TOX: variants seen among roughly 807,000 people sequenced by gnomAD.
TOX encodes the protein thymocyte selection associated high mobility group box.
Under a neutral mutation model 53.7 loss-of-function variants are expected in TOX, and 11 were observed. That is an observed-to-expected ratio of 0.20 (90% CI 0.13 to 0.34). The LOEUF is 0.34. Ranked by LOEUF, TOX falls within the 10% of genes least tolerant of loss-of-function variation. The probability of loss-of-function intolerance (pLI) is 1.00; values close to 1 mark genes in which losing one functional copy is unlikely to be tolerated. For missense variants in TOX, 570 were observed against 664.6 expected (o/e 0.86, Z 1.56); for synonymous variants, 225 against 245.3 (o/e 0.92, Z 0.77).
chr8:58,936,551 G>C (rs1368874743), intron 3 of TOX, among the ~76,000 whole-genome samples: 1 of 152,186 alleles, frequency 6.6e-6, no homozygotes, highest in East Asian at 1.9e-4. Flanking sequence ...ACTGAGGAAT[G>C]GCATTCTAGT....
intron 6 of TOX, among the ~76,000 whole-genome samples, chr8:58,822,957 G>C (rs1208780422): frequency 6.6e-6 from 1 of 152,126 alleles, no homozygotes; most frequent in East Asian, 1.9e-4. Context: ...TGCTGTGATG[G>C]GAAATAGGAA....
At chr8:58,942,781 A>G (rs1395039977) in intron 2 of TOX, among the ~76,000 whole-genome samples, 1 of 152,224 alleles carries the variant, frequency 6.6e-6, no homozygotes, top group Non-Finnish European at 1.5e-5. Context: ...ATATGATTCA[A>G]TATTTTCCCT....
rs1023235617 is a variant in TOX at position 58,838,293 on chromosome 8, G to T, written c.712C>A (p.Arg238=). The T allele has an allele frequency of 6.2e-7, 1 of 1,613,298 alleles. No homozygotes were observed. The highest frequency in any genetic ancestry group is 1.7e-5 in the Admixed American group (1 of 59,962). The part of the protein sequence containing the change: ...DTSKINGGEK[R]PASDMGKKPK... Reference sequence around the variant, plus strand: ...TTTTTCCCCATATCAGAGGCAGGCCGCTTCTCTCCACCATTGATCTGAAAG... The same window carrying T: ...TTTTTCCCCATATCAGAGGCAGGCCTCTTCTCTCCACCATTGATCTGAAAG... The change falls in exon 5 of 9, where the codon CGG becomes AGG. Residue 238 remains arginine, a synonymous_variant. Transcript: ENST00000361421.
chr8:59,041,073 C>CGTGT (rs61657323), intron 1 of TOX, among the ~76,000 whole-genome samples: 42,359 of 143,708 alleles, frequency 0.29, 7,699 homozygotes, highest in Non-Finnish European at 0.43. Flanking sequence ...AAAGGGACTC[C>CGTGT]GTGTGTGTGT....
rs68047111 is a variant in TOX, at chr8:58,851,185, TCACACA to T, written c.693+333_693+338del. Among the ~76,000 whole-genome samples the T allele has an allele frequency of 3.2e-4, 45 of 140,828 alleles. No individual in the cohort carries two copies. The highest frequency in any genetic ancestry group is 3.5e-3 in the Middle Eastern group (1 of 288). The allele number at this position is 140,828 out of a possible 152,430, so 92.4% of individuals were successfully genotyped here. On this transcript the variant is annotated intron_variant, in intron 4 of 8. Transcript: ENST00000361421. This position sits in a 1 kb window ranked among gnomAD's most constrained non-coding sequence, Gnocchi z 4.4. ...CTCTCTCTCTCTCTCTCTCTCTCTC[TCACACA>T]CACACACACACACACACACACGACC...
At chr8:58,892,530 TAAAG>T (rs1454519793) in intron 3 of TOX, among the ~76,000 whole-genome samples, 1 of 152,158 alleles carries the variant, frequency 6.6e-6, no homozygotes, top group African/African-American at 2.4e-5. Context: ...CCAAAACAGA[TAAAG>T]GAAGAATGCA....
rs150188950 is a variant in TOX, at chr8:58,846,519, C to T, written c.693+5005G>A. Among the ~76,000 whole-genome samples the T allele has an allele frequency of 2.2e-3, 342 of 152,176 alleles. 2 individuals carry two copies. Among genetic ancestry groups the T allele is most frequent in the African/African-American group, 7.9e-3 (327 of 41,548 alleles). On this transcript the variant is annotated intron_variant, in intron 4 of 8. Coordinates refer to ENST00000361421, the MANE Select transcript of TOX (RefSeq NM_014729.3). The stretch of plus-strand genomic sequence containing the variant: ...TCCAGGAGTCTTCTTGTCTTCAGAG[C>T]AGTGGTAAATAAAAACTCCTACTCT...
Position 59,118,810 on chromosome 8 carries a change from C to A in TOX, c.102+76G>T. On this transcript the variant is annotated intron_variant, in intron 1 of 8. Transcript: ENST00000361421. This position sits in a 1 kb window ranked among gnomAD's most constrained non-coding sequence, Gnocchi z 4.1. ...CCGGCCTCCGCCAAGCCGGCCCCGC[C>A]GCGGCCCGGCCACCGCCGCTCCCCT... 1 of 1,233,686 alleles carries A rather than the reference C, an allele frequency of 8.1e-7. No individual in the cohort carries two copies. Among genetic ancestry groups the A allele is most frequent in the Non-Finnish European group, 1.1e-6 (1 of 895,070 alleles). 76.4% of individuals were successfully genotyped at this position (1,233,686 alleles called of 1,614,324 possible).
intron 1 of TOX, among the ~76,000 whole-genome samples, chr8:59,047,279 C>T (rs189684495): frequency 0.019 from 2,678 of 138,220 alleles, 71 homozygotes; most frequent in East Asian, 0.079. Context: ...TGCAGTGGCA[C>T]GATCTCGGCT....
intron 3 of TOX, among the ~76,000 whole-genome samples, chr8:58,868,788 G>T (rs1275395722): frequency 6.7e-6 from 1 of 148,688 alleles, no homozygotes; most frequent in Non-Finnish European, 1.5e-5. Context: ...AGCAATTTAA[G>T]CCTAAACCAA....
chr8:58,960,144 A>T (rs1812777223), intron 1 of TOX, 136 bp from the exon 2 acceptor site: 1 of 893,440 alleles, frequency 1.1e-6, no homozygotes, highest in South Asian at 1.5e-5. Flanking sequence ...GGACTATGGA[A>T]AATCTGTCAC....
intron 1 of TOX, among the ~76,000 whole-genome samples, chr8:58,965,429 A>G (rs1812875670): frequency 6.6e-6 from 1 of 152,338 alleles, no homozygotes; most frequent in Middle Eastern, 3.4e-3. Context: ...TTAAAAATTG[A>G]AAGGAGAAAT....
In TOX at chr8:58,818,787, A is replaced by G. The variant is rs142898213; in HGVS notation, c.1006-3063T>C. On this transcript the variant is annotated intron_variant, in intron 6 of 8. Coordinates refer to ENST00000361421, the MANE Select transcript of TOX (RefSeq NM_014729.3). ...CTCTTCTCTGCTCTCGGCAGGACCC[A>G]AACCCTTCCTGAAGTGATGAGAAAT... Among the ~76,000 whole-genome samples, 45 of 152,260 alleles carry G rather than the reference A, an allele frequency of 3.0e-4. No individual in the cohort carries two copies. In the East Asian group the frequency reaches 8.3e-3, roughly 28 times the overall value.
At chr8:59,003,654 A>T (rs903477054) in intron 1 of TOX, among the ~76,000 whole-genome samples, 3 of 152,264 alleles carry the variant, frequency 2.0e-5, no homozygotes, top group African/African-American at 4.8e-5. Flanking sequence ...GACTACCAGT[A>T]ACTGCACCCT....
intron 4 of TOX, among the ~76,000 whole-genome samples, chr8:58,847,573 CA>C (rs922823126): frequency 1.3e-5 from 2 of 151,954 alleles, no homozygotes; most frequent in Non-Finnish European, 2.9e-5. Context: ...CTGAGAATAA[CA>C]GCATGAGAAG....
intron 1 of TOX, among the ~76,000 whole-genome samples, chr8:58,973,864 C>G (rs1396965996): frequency 6.6e-6 from 1 of 151,904 alleles, no homozygotes; most frequent in Non-Finnish European, 1.5e-5. Context: ...GTGGCGCGAT[C>G]TCAGCTCACT....
chr8:58,988,572 C>T (rs1253161387), intron 1 of TOX, among the ~76,000 whole-genome samples: 1 of 152,092 alleles, frequency 6.6e-6, no homozygotes, highest in African/African-American at 2.4e-5. Context: ...TCAAGATGGG[C>T]AATTCTCAAA....
intron 3 of TOX, among the ~76,000 whole-genome samples, chr8:58,931,254 C>A (rs7834158): frequency 0.29 from 44,538 of 151,732 alleles, 6,926 homozygotes; most frequent in East Asian, 0.41. Context: ...TAGAAAAAAT[C>A]AGAAATTAAT....
chr8:59,094,538 T>C (rs1318269125), intron 1 of TOX, among the ~76,000 whole-genome samples: 3 of 151,694 alleles, frequency 2.0e-5, no homozygotes, highest in South Asian at 2.1e-4. Flanking sequence ...AATTACTGTT[T>C]TTGAAAGATT....
Sources: allele counts gnomAD v4.1 joint callset (sites outside exome capture counted in the v4.1 genomes callset), GRCh38; gene constraint gnomAD v4.1.1; non-coding constraint Gnocchi (gnomAD v3.1); transcripts MANE v1.5; gene names NCBI Gene and HGNC (gene_info 2026-07-23, HGNC 2026-07-21).